Variants in NFIB observed in about 807,000 individuals in gnomAD.
NFIB encodes nuclear factor 1 B-type.
Under a neutral mutation model 61.5 loss-of-function variants are expected in NFIB, and 11 were observed. The ratio of observed to expected loss-of-function variants is 0.18; its 90% CI spans 0.11 to 0.30. The LOEUF (loss-of-function observed/expected upper bound fraction) is 0.30. NFIB is among the 10% of genes least tolerant of loss of function. The pLI is 1.00. For synonymous variants in NFIB, 260 were observed against 216.5 expected (o/e 1.20, Z -1.76); for missense variants, 471 against 608.9 (o/e 0.77, Z 2.38).
chr9:14,129,442 G>C (rs1341994958), intron 6 of NFIB, among the ~76,000 whole-genome samples: 1 of 149,850 alleles, frequency 6.7e-6, no homozygotes, highest in Non-Finnish European at 1.5e-5. Flanking sequence ...TAGACTAGAA[G>C]GGGAAATAAA....
At chr9:14,478,060 T>C in the NFIB span, among the ~76,000 whole-genome samples, 1,205 of 152,232 alleles carry the variant, frequency 7.9e-3, 24 homozygotes, top group African/African-American at 0.028. Context: ...AAAGGCTCCC[T>C]ATTCTCTGGC....
chr9:14,193,919 T>C (rs1391473914), intron 2 of NFIB, among the ~76,000 whole-genome samples: 1 of 152,170 alleles, frequency 6.6e-6, no homozygotes, highest in Non-Finnish European at 1.5e-5. Context: ...GCTGCCAGCA[T>C]TGCACCCTAT....
the NFIB span, among the ~76,000 whole-genome samples, chr9:14,460,768 T>G: frequency 6.6e-6 from 1 of 152,258 alleles, no homozygotes; most frequent in South Asian, 2.1e-4. Context: ...TCCCCTGCTT[T>G]AAATCCTTCC....
intron 2 of NFIB, among the ~76,000 whole-genome samples, chr9:14,233,864 T>A (rs1196876814): frequency 6.6e-6 from 1 of 152,242 alleles, no homozygotes; most frequent in East Asian, 1.9e-4. Flanking sequence ...AATTTTGATC[T>A]GAAATAATAA....
chr9:14,097,850 CT>C (rs994880801), intron 10 of NFIB, among the ~76,000 whole-genome samples: 2 of 129,664 alleles, frequency 1.5e-5, no homozygotes, highest in Middle Eastern at 4.2e-3. Context: ...CCCCCCCACA[CT>C]TTTTTTTTCT....
the NFIB span, among the ~76,000 whole-genome samples, chr9:14,470,448 GC>G: frequency 1.3e-5 from 2 of 151,992 alleles, no homozygotes; most frequent in Non-Finnish European, 2.9e-5. Flanking sequence ...TCCTTGGTTT[GC>G]CCCCCTGAAA....
At chr9:14,463,659 C>CTCCTTTTTTTTT in the NFIB span, among the ~76,000 whole-genome samples, 4 of 65,826 alleles carry the variant, frequency 6.1e-5, no homozygotes, top group Non-Finnish European at 6.0e-5. Context: ...ATTTGATTTT[C>CTCCTTTTTTTTT]TTTTTTTTTT....
intron 2 of NFIB, among the ~76,000 whole-genome samples, chr9:14,210,544 G>A (rs1159540138): frequency 6.6e-6 from 1 of 151,742 alleles, no homozygotes. Context: ...ATACACACAT[G>A]TGCACACTCA....
intron 5 of NFIB, 144 bp downstream of exon 5, chr9:14,150,001 C>T: frequency 8.4e-7 from 1 of 1,196,458 alleles, no homozygotes; most frequent in Non-Finnish European, 1.2e-6. Flanking sequence ...ATAAATTTAA[C>T]CAGGAAAGAT....
At chr9:14,110,006 A>G (rs925751746) in intron 10 of NFIB, among the ~76,000 whole-genome samples, 8 of 152,064 alleles carry the variant, frequency 5.3e-5, no homozygotes, top group Non-Finnish European at 1.0e-4. Context: ...ATGATATGAA[A>G]GTGTATACTT....
upstream of NFIB, among the ~76,000 whole-genome samples, chr9:14,402,927 G>T (rs996056483): frequency 6.6e-6 from 1 of 152,032 alleles, no homozygotes; most frequent in Admixed American, 6.6e-5. Context: ...AAAAGTAGTC[G>T]ATTTCTAAAA....
At chr9:14,406,588 G>T in the NFIB span, among the ~76,000 whole-genome samples, 5 of 152,174 alleles carry the variant, frequency 3.3e-5, no homozygotes, top group Non-Finnish European at 5.9e-5. Flanking sequence ...CAGAAGGATA[G>T]GCTGGGGCAG....
intron 1 of NFIB, among the ~76,000 whole-genome samples, chr9:14,363,602 C>A (rs1281060911): frequency 1.3e-5 from 2 of 148,466 alleles, no homozygotes; most frequent in African/African-American, 5.2e-5. Context: ...TGTACATATA[C>A]ATATATATGT....
At chr9:14,128,086 CATAA>C (rs1469445247) in intron 6 of NFIB, among the ~76,000 whole-genome samples, 1 of 152,084 alleles carries the variant, frequency 6.6e-6, no homozygotes, top group Non-Finnish European at 1.5e-5. Flanking sequence ...CTTAATGTCG[CATAA>C]GAGCTATGTG....
intron 2 of NFIB, among the ~76,000 whole-genome samples, chr9:14,210,216 C>G (rs1587632591): frequency 6.6e-6 from 1 of 152,090 alleles, no homozygotes; most frequent in African/African-American, 2.4e-5. Flanking sequence ...AGAATGAAAA[C>G]TGGAAAACTT....
Position 14,375,920 on chromosome 9 carries a change from C to T in NFIB, c.108+22604G>A, listed in dbSNP as rs778396632. Among the ~76,000 whole-genome samples, 12 of 152,154 alleles carry T rather than the reference C, an allele frequency of 7.9e-5. No individual in the cohort carries two copies. In the South Asian group the frequency reaches 1.5e-3, roughly 18 times the overall value. ...TCATCCAAGGCTTATTCACTGCTTC[C>T]GTTTGAATTATGTGGTGTTTAAGGC... On this transcript the variant is annotated intron_variant, in intron 1 of 8. Coordinates refer to the NFIB transcript ENST00000380934.
chr9:14,206,009 T>C (rs1004905831), intron 2 of NFIB, among the ~76,000 whole-genome samples: 22 of 152,268 alleles, frequency 1.4e-4, no homozygotes, highest in African/African-American at 5.1e-4. Context: ...TTAATTATGT[T>C]TCTGCGTAAA....
intron 2 of NFIB, among the ~76,000 whole-genome samples, chr9:14,299,564 C>G (rs969825662): frequency 6.6e-6 from 1 of 152,170 alleles, no homozygotes; most frequent in Non-Finnish European, 1.5e-5. Flanking sequence ...CCATTTTCAA[C>G]TGGTTTATGC....
At chr9:14,178,795 A>AC (rs1216179202) in intron 3 of NFIB, among the ~76,000 whole-genome samples, 4 of 152,282 alleles carry the variant, frequency 2.6e-5, no homozygotes, top group African/African-American at 9.6e-5. Flanking sequence ...GCTAAGCACG[A>AC]CTTCAAGGAA....
Sources: allele counts gnomAD v4.1 joint callset (sites outside exome capture counted in the v4.1 genomes callset), GRCh38; gene constraint gnomAD v4.1.1; transcripts MANE v1.5; gene names NCBI Gene and HGNC (gene_info 2026-07-23, HGNC 2026-07-21).